PLCB1: variants seen among roughly 807,000 people sequenced by gnomAD.
PLCB1 encodes 1-phosphatidylinositol 4,5-bisphosphate phosphodiesterase beta-1.
Under a neutral mutation model 161.8 loss-of-function variants are expected in PLCB1, and 46 were observed. The ratio of observed to expected loss-of-function variants is 0.28; its 90% CI spans 0.22 to 0.36. The LOEUF (loss-of-function observed/expected upper bound fraction) is 0.36. PLCB1 is among the 10% of genes least tolerant of loss of function. The pLI, the probability that PLCB1 is intolerant of heterozygous loss-of-function variation, is 1.00. For missense variants in PLCB1, 1,016 were observed against 1,472.5 expected (o/e 0.69, Z 5.07); for synonymous variants, 517 against 503.7 (o/e 1.03, Z -0.35).
chr20:8,761,674 A>G (rs1248643810), intron 25 of PLCB1, among the ~76,000 whole-genome samples: 1 of 151,916 alleles, frequency 6.6e-6, no homozygotes, highest in African/African-American at 2.4e-5. Flanking sequence ...ACGTGCCACC[A>G]CACCCGGCTA....
intron 3 of PLCB1, among the ~76,000 whole-genome samples, chr20:8,509,835 G>A (rs903603313): frequency 2.0e-5 from 3 of 152,030 alleles, no homozygotes; most frequent in Admixed American, 6.5e-5. Flanking sequence ...CTGAAGTTTC[G>A]GGAATAATTG....
Position 8,489,273 on chromosome 20 carries a change from G to A in PLCB1, c.246+117823G>A, listed in dbSNP as rs527253415. On this transcript the variant is annotated intron_variant, in intron 3 of 31. Coordinates refer to ENST00000338037, the MANE Select transcript of PLCB1 (RefSeq NM_015192.4). ...TTTGCCTAGAGGATGGTGTATTTGC[G>A]TGGCAGGACATTGGGTACAGCTTTA... Among the ~76,000 whole-genome samples the A allele has an allele frequency of 1.1e-4, 17 of 152,228 alleles. No homozygotes were observed. The South Asian group carries it at 2.9e-3, about 26-fold the overall frequency.
chr20:8,716,012 C>T, intron 12 of PLCB1: 1 of 412,648 alleles, frequency 2.4e-6, no homozygotes. Context: ...AAATGACATG[C>T]TGTCCCCTCC....
chr20:8,204,137 A>C (rs950033539), intron 2 of PLCB1, among the ~76,000 whole-genome samples: 1 of 152,168 alleles, frequency 6.6e-6, no homozygotes, highest in East Asian at 1.9e-4. Flanking sequence ...AACTGTGGAA[A>C]GAGAGAGCTA....
chr20:8,868,973 T>A (rs148155149), intron 31 of PLCB1, among the ~76,000 whole-genome samples: 1 of 152,306 alleles, frequency 6.6e-6, no homozygotes, highest in East Asian at 1.9e-4. Flanking sequence ...GATTCTGCGC[T>A]GAACCACTTG....
intron 31 of PLCB1, among the ~76,000 whole-genome samples, chr20:8,842,886 G>C (rs1053940535): frequency 2.0e-5 from 3 of 152,154 alleles, no homozygotes; most frequent in Admixed American, 2.0e-4. Flanking sequence ...TCTGCCTGTG[G>C]ATTCCGTTTC....
At chr20:8,201,946 G>C (rs1396398422) in intron 2 of PLCB1, among the ~76,000 whole-genome samples, 1 of 152,132 alleles carries the variant, frequency 6.6e-6, no homozygotes, top group Non-Finnish European at 1.5e-5. Flanking sequence ...GATCCTTCTT[G>C]ATTCCTGCTT....
chr20:8,704,921 T>A (rs927087247), intron 11 of PLCB1, among the ~76,000 whole-genome samples: 1 of 149,782 alleles, frequency 6.7e-6, no homozygotes, highest in Non-Finnish European at 1.5e-5. Context: ...AGTCTCAAGG[T>A]AGGAGAAGAC....
At chr20:8,845,880 C>T (rs377063017) in intron 31 of PLCB1, among the ~76,000 whole-genome samples, 1 of 152,130 alleles carries the variant, frequency 6.6e-6, no homozygotes. Context: ...GTACGCAATG[C>T]GGACACATTG....
At chr20:8,230,837 A>G (rs1023404119) in intron 2 of PLCB1, among the ~76,000 whole-genome samples, 2 of 152,104 alleles carry the variant, frequency 1.3e-5, no homozygotes, top group Non-Finnish European at 2.9e-5. Context: ...TTTAGACTCT[A>G]GTTTAACATC....
chr20:8,235,163 T>C (rs1050484280), intron 2 of PLCB1, among the ~76,000 whole-genome samples: 2 of 152,096 alleles, frequency 1.3e-5, no homozygotes, highest in Admixed American at 6.6e-5. Flanking sequence ...GAGATATTAT[T>C]CAGAGCCTTT....
chr20:8,648,944 A>G (rs2123293664), intron 6 of PLCB1, among the ~76,000 whole-genome samples: 1 of 145,944 alleles, frequency 6.9e-6, no homozygotes. Context: ...CTGTCTCTAA[A>G]AAAAAAAAAA....
intron 14 of PLCB1, among the ~76,000 whole-genome samples, 159 bp downstream of exon 14, chr20:8,718,007 G>A (rs749426311): frequency 3.9e-5 from 6 of 152,170 alleles, no homozygotes; most frequent in Non-Finnish European, 8.8e-5. Flanking sequence ...TGGCCAACAT[G>A]GTGAAACCCC....
intron 10 of PLCB1, among the ~76,000 whole-genome samples, chr20:8,697,348 A>G (rs760802875): frequency 5.9e-5 from 9 of 152,226 alleles, no homozygotes; most frequent in Non-Finnish European, 1.3e-4. Context: ...TAGTATATAT[A>G]CAGTCCAAAA....
chr20:8,779,441 G>A (rs1253287376), intron 27 of PLCB1, among the ~76,000 whole-genome samples: 2 of 135,202 alleles, frequency 1.5e-5, no homozygotes, highest in Non-Finnish European at 3.1e-5. Flanking sequence ...TATTTTTGAT[G>A]TAATTGTTCA....
intron 12 of PLCB1, among the ~76,000 whole-genome samples, chr20:8,714,390 G>T (rs1318440577): frequency 6.6e-6 from 1 of 152,122 alleles, no homozygotes; most frequent in Non-Finnish European, 1.5e-5. Context: ...CTTCTTATCA[G>T]CAGCAGCCAC....
intron 2 of PLCB1, among the ~76,000 whole-genome samples, chr20:8,211,975 T>C (rs1031591262): frequency 1.3e-5 from 2 of 152,154 alleles, no homozygotes; most frequent in Non-Finnish European, 2.9e-5. Context: ...AATATGAATG[T>C]CATTGTTTTG....
chr20:8,551,537 G>C (rs558696190), intron 3 of PLCB1, among the ~76,000 whole-genome samples: 1 of 152,040 alleles, frequency 6.6e-6, no homozygotes, highest in Non-Finnish European at 1.5e-5. Flanking sequence ...TCCCATACCT[G>C]CATCCCTTTA....
chr20:8,395,120 T>C (rs948218587), intron 3 of PLCB1, among the ~76,000 whole-genome samples: 5 of 152,104 alleles, frequency 3.3e-5, no homozygotes, highest in African/African-American at 4.8e-5. Flanking sequence ...TACCTTAGTA[T>C]AAATAAATTT....
Sources: allele counts gnomAD v4.1 joint callset (sites outside exome capture counted in the v4.1 genomes callset), GRCh38; gene constraint gnomAD v4.1.1; transcripts MANE v1.5; gene names NCBI Gene and HGNC (gene_info 2026-07-23, HGNC 2026-07-21).